Variants in MDFIC2 observed in about 807,000 individuals in gnomAD.
The protein encoded by MDFIC2 is myoD family inhibitor domain-containing protein 2.
intron 2 of MDFIC2, among the ~76,000 whole-genome samples, chr3:70,286,901 T>C (rs1702170963): frequency 6.6e-6 from 1 of 151,980 alleles, no homozygotes; most frequent in Non-Finnish European, 1.5e-5. Flanking sequence ...TTTTGTACAT[T>C]GATTTTGTAT....
intron 2 of MDFIC2, among the ~76,000 whole-genome samples, chr3:70,262,072 G>A (rs1029208984): frequency 1.3e-5 from 2 of 152,128 alleles, no homozygotes; most frequent in African/African-American, 2.4e-5. Flanking sequence ...TCAATCTCAC[G>A]ATAAAGCCTT....
At chr3:70,310,469 G>T (rs1043138673) in intron 2 of MDFIC2, among the ~76,000 whole-genome samples, 4 of 151,898 alleles carry the variant, frequency 2.6e-5, no homozygotes, top group Non-Finnish European at 5.9e-5. Flanking sequence ...CAGTTCAAGC[G>T]ATTATCCTGC....
intron 3 of MDFIC2, 117 bp downstream of exon 3, chr3:70,206,452 T>C (rs528032238): frequency 2.5e-6 from 1 of 395,012 alleles, no homozygotes; most frequent in East Asian, 3.6e-5. Flanking sequence ...CAAATCGAAG[T>C]CTTCGTGTTT....
intron 2 of MDFIC2, among the ~76,000 whole-genome samples, chr3:70,290,676 G>A (rs1702227613): frequency 6.6e-6 from 1 of 152,162 alleles, no homozygotes; most frequent in Non-Finnish European, 1.5e-5. Flanking sequence ...CCGCCTTGCA[G>A]TTTGATCTCA....
chr3:70,255,728 A>G (rs1392434231), intron 2 of MDFIC2, among the ~76,000 whole-genome samples: 1 of 152,034 alleles, frequency 6.6e-6, no homozygotes, highest in African/African-American at 2.4e-5. Flanking sequence ...CAAGGGGAGG[A>G]TTACAGGTAT....
chr3:70,255,351 A>C (rs958251838), intron 2 of MDFIC2, among the ~76,000 whole-genome samples: 3 of 152,222 alleles, frequency 2.0e-5, no homozygotes, highest in African/African-American at 7.2e-5. Context: ...ACCAAAGAAG[A>C]GGCTTGGCTG....
chr3:70,300,277 T>G (rs1297414146), intron 2 of MDFIC2, among the ~76,000 whole-genome samples: 1 of 152,150 alleles, frequency 6.6e-6, no homozygotes, highest in Non-Finnish European at 1.5e-5. Context: ...TTAACATTTC[T>G]CCTTTATTTA....
chr3:70,278,701 C>G (rs1424360357), intron 2 of MDFIC2, among the ~76,000 whole-genome samples: 3 of 152,056 alleles, frequency 2.0e-5, no homozygotes, highest in Non-Finnish European at 4.4e-5. Flanking sequence ...CATATCCAAC[C>G]TGGTTGGAAC....
At chr3:70,211,880 T>A (rs1701354084) in intron 2 of MDFIC2, among the ~76,000 whole-genome samples, 1 of 145,558 alleles carries the variant, frequency 6.9e-6, no homozygotes. Context: ...TCCCTTCCCT[T>A]CTTCCCTTCC....
At chr3:70,226,177 C>T (rs776985845) in intron 2 of MDFIC2, among the ~76,000 whole-genome samples, 4 of 152,240 alleles carry the variant, frequency 2.6e-5, no homozygotes, top group African/African-American at 9.6e-5. Context: ...TTCACTCATT[C>T]GATAAACATT....
intron 2 of MDFIC2, among the ~76,000 whole-genome samples, chr3:70,247,936 G>C (rs1448784744): frequency 6.6e-6 from 1 of 151,930 alleles, no homozygotes; most frequent in Non-Finnish European, 1.5e-5. Flanking sequence ...TTTTAGATGA[G>C]ATCAATCATT....
intron 2 of MDFIC2, among the ~76,000 whole-genome samples, chr3:70,288,737 G>A (rs1256594631): frequency 1.3e-5 from 2 of 151,810 alleles, no homozygotes; most frequent in Non-Finnish European, 2.9e-5. Flanking sequence ...ATGAATCTAG[G>A]TGCTCCTGTG....
Position 70,245,671 on chromosome 3 carries a change from TTATATATATATATATA to T in MDFIC2, c.89-38897_89-38882del, listed in dbSNP as rs34480688. ...TTGCATAACGTTTTTGCAAACTGCTTTATATATATATATATATATATATATATATATATATATATAT... is the reference window on the plus strand; with the variant it reads ...TTGCATAACGTTTTTGCAAACTGCTTTATATATATATATATATATATATAT... On this transcript the variant is annotated intron_variant, in intron 2 of 3. Coordinates refer to ENST00000567252, the MANE Select transcript of MDFIC2 (RefSeq NM_001364677.1). Among the ~76,000 whole-genome samples, 327 of 57,246 alleles carry T rather than the reference TTATATATATATATATA, an allele frequency of 5.7e-3. 3 individuals carry two copies. Among genetic ancestry groups the T allele is most frequent in the African/African-American group, 0.015 (264 of 17,436 alleles). The allele number at this position is 57,246 out of a possible 152,430, so 37.6% of individuals were successfully genotyped here. A position where few individuals can be genotyped will look rare whatever the true frequency, so the allele number is the denominator to read the frequency against.
At chr3:70,308,177 A>C (rs553836781) in intron 2 of MDFIC2, among the ~76,000 whole-genome samples, 1 of 152,228 alleles carries the variant, frequency 6.6e-6, no homozygotes, top group South Asian at 2.1e-4. Flanking sequence ...CAGTCTGTCT[A>C]GTAGTTGGGA....
chr3:70,245,671 TTATATATA>T (rs34480688), intron 2 of MDFIC2, among the ~76,000 whole-genome samples: 1,576 of 57,228 alleles, frequency 0.028, 33 homozygotes, highest in African/African-American at 0.062. Context: ...GCAAACTGCT[TTATATATA>T]TATATATATA....
intron 2 of MDFIC2, among the ~76,000 whole-genome samples, chr3:70,209,228 T>C (rs1701319037): frequency 6.6e-6 from 1 of 152,066 alleles, no homozygotes; most frequent in Non-Finnish European, 1.5e-5. Flanking sequence ...GGAGAGATTG[T>C]AGGATGTTTA....
intron 3 of MDFIC2, chr3:70,205,765 T>C (rs975250315): frequency 1.3e-5 from 2 of 152,144 alleles, no homozygotes; most frequent in Non-Finnish European, 2.9e-5. Flanking sequence ...AAATATGTAT[T>C]TAAATGTAGA....
At chr3:70,258,931 CTTATT>C (rs1218927028) in intron 2 of MDFIC2, among the ~76,000 whole-genome samples, 3 of 151,764 alleles carry the variant, frequency 2.0e-5, no homozygotes, top group African/African-American at 7.3e-5. Flanking sequence ...CAGTGAATCT[CTTATT>C]TTTATCATTG....
chr3:70,215,280 T>C (rs891733769), intron 2 of MDFIC2, among the ~76,000 whole-genome samples: 3 of 152,084 alleles, frequency 2.0e-5, no homozygotes, highest in Non-Finnish European at 4.4e-5. Context: ...GCAGAGCTAG[T>C]ACTTGAACTT....
Sources: allele counts gnomAD v4.1 joint callset (sites outside exome capture counted in the v4.1 genomes callset), GRCh38; gene constraint gnomAD v4.1.1; transcripts MANE v1.5; gene names NCBI Gene and HGNC (gene_info 2026-07-23, HGNC 2026-07-21).